VPS13B: variants seen among roughly 807,000 people sequenced by gnomAD.
VPS13B encodes the protein intermembrane lipid transfer protein VPS13B.
VPS13B carries 285 observed loss-of-function variants against 426.4 expected under a neutral mutation model. The observed-to-expected ratio is 0.67, with a 90% CI of 0.61 to 0.74. The LOEUF (loss-of-function observed/expected upper bound fraction) is 0.74. VPS13B is among the 30% of genes least tolerant of loss of function. VPS13B has a pLI of 0.00. For synonymous variants in VPS13B, 1,676 were observed against 1,676.4 expected (o/e 1.00, Z 0.01); for missense variants, 4,537 against 4,782.6 (o/e 0.95, Z 1.51).
intron 51 of VPS13B, among the ~76,000 whole-genome samples, chr8:99,825,485 G>T (rs1814629347): frequency 6.6e-6 from 1 of 152,144 alleles, no homozygotes; most frequent in Non-Finnish European, 1.5e-5. Context: ...CCCTTTGTCA[G>T]ATGGATAGAC....
chr8:99,430,707 C>CCA (rs1422680295), intron 21 of VPS13B, among the ~76,000 whole-genome samples: 1 of 151,248 alleles, frequency 6.6e-6, no homozygotes, highest in African/African-American at 2.4e-5. Context: ...AATCCACCCC[C>CCA]CCCCCAACTT....
intron 30 of VPS13B, among the ~76,000 whole-genome samples, chr8:99,523,374 C>T (rs979240981): frequency 1.3e-5 from 2 of 152,206 alleles, no homozygotes; most frequent in Admixed American, 6.5e-5. Flanking sequence ...TGAACACAGG[C>T]CATAGCCAGG....
At chr8:99,221,633 T>C (rs1169283278) in intron 17 of VPS13B, among the ~76,000 whole-genome samples, 1 of 152,220 alleles carries the variant, frequency 6.6e-6, no homozygotes, top group Non-Finnish European at 1.5e-5. Context: ...GGACACACCG[T>C]GTTCTCAGAG....
chr8:99,327,084 G>GT (rs1437055377), intron 19 of VPS13B, among the ~76,000 whole-genome samples: 3 of 152,114 alleles, frequency 2.0e-5, no homozygotes, highest in Non-Finnish European at 4.4e-5. Flanking sequence ...ACTTCGAAGA[G>GT]TTTTTTTCTT....
At chr8:99,812,831 A>G (rs1408452036) in intron 44 of VPS13B, among the ~76,000 whole-genome samples, 4 of 152,168 alleles carry the variant, frequency 2.6e-5, no homozygotes, top group Admixed American at 6.6e-5. Flanking sequence ...TTATTCTTCA[A>G]TATCACTATT....
At chr8:99,450,439 C>T (rs553141325) in intron 23 of VPS13B, among the ~76,000 whole-genome samples, 1 of 152,162 alleles carries the variant, frequency 6.6e-6, no homozygotes, top group East Asian at 1.9e-4. Context: ...TTTTCTGCCA[C>T]GTGTGGTGGC....
At chr8:99,264,469 C>T (rs1274194576) in intron 17 of VPS13B, among the ~76,000 whole-genome samples, 1 of 151,998 alleles carries the variant, frequency 6.6e-6, no homozygotes, top group Non-Finnish European at 1.5e-5. Flanking sequence ...TTTATTTTGT[C>T]TTTATATGTA....
At chr8:99,219,378 T>C (rs1815561692) in intron 17 of VPS13B, among the ~76,000 whole-genome samples, 2 of 152,210 alleles carry the variant, frequency 1.3e-5, no homozygotes, top group Non-Finnish European at 2.9e-5. Flanking sequence ...GGGAATTTCA[T>C]GTATCAAAGG....
At chr8:99,199,907 A>G (rs1814205376) in intron 17 of VPS13B, among the ~76,000 whole-genome samples, 1 of 151,870 alleles carries the variant, frequency 6.6e-6, no homozygotes. Flanking sequence ...TTTTTGTACC[A>G]CACTATTTAT....
At chr8:99,685,715 T>A (rs1045700297) in intron 35 of VPS13B, among the ~76,000 whole-genome samples, 2 of 152,250 alleles carry the variant, frequency 1.3e-5, no homozygotes, top group African/African-American at 4.8e-5. Context: ...AATCTCTTTG[T>A]TACATTTATC....
Position 99,137,426 on chromosome 8 carries a change from A to G in VPS13B, c.1651+674A>G, listed in dbSNP as rs560921850. On this transcript the variant is annotated intron_variant, in intron 12 of 61. Transcript: ENST00000357162. ...GTACAGATGAATGCAATGAAAACCA[A>G]AGCATTTCCCAAAGAGCCAATAGGT... Among the ~76,000 whole-genome samples the G allele has an allele frequency of 2.6e-5, 4 of 152,216 alleles. No homozygotes were observed. The South Asian group carries it at 8.3e-4, about 32-fold the overall frequency.
At chr8:99,149,557 A>G (rs1474618707) in intron 14 of VPS13B, among the ~76,000 whole-genome samples, 1 of 151,290 alleles carries the variant, frequency 6.6e-6, no homozygotes, top group Non-Finnish European at 1.5e-5. Context: ...ACCTCAGGTG[A>G]TCCACCTGCC....
chr8:99,737,048 G>A (rs933029995), intron 39 of VPS13B, among the ~76,000 whole-genome samples: 24 of 133,230 alleles, frequency 1.8e-4, no homozygotes, highest in African/African-American at 6.7e-4. Flanking sequence ...GTAGTTTAAT[G>A]AAAAATTCTG....
intron 8 of VPS13B, chr8:99,121,690 C>T: frequency 2.8e-6 from 3 of 1,068,564 alleles, no homozygotes; most frequent in Non-Finnish European, 3.7e-6. Flanking sequence ...TAGTTTTTTG[C>T]CCTATTGAAT....
chr8:99,748,270 A>C (rs1347266907), intron 39 of VPS13B, among the ~76,000 whole-genome samples: 1 of 152,086 alleles, frequency 6.6e-6, no homozygotes, highest in East Asian at 1.9e-4. Flanking sequence ...TGGTCAGTGC[A>C]GCCAGAAATT....
intron 30 of VPS13B, among the ~76,000 whole-genome samples, chr8:99,542,179 G>A (rs754365855): frequency 2.6e-5 from 4 of 152,150 alleles, no homozygotes; most frequent in South Asian, 2.1e-4. Flanking sequence ...GTGAGCCACC[G>A]TGCCTGGCCT....
intron 3 of VPS13B, among the ~76,000 whole-genome samples, chr8:99,081,863 G>A (rs1054478759): frequency 6.6e-6 from 1 of 151,864 alleles, no homozygotes; most frequent in Non-Finnish European, 1.5e-5. Context: ...GTCTATAATT[G>A]TTGGACATTT....
At chr8:99,789,722 T>C (rs1174080540) in intron 43 of VPS13B, among the ~76,000 whole-genome samples, 1 of 152,148 alleles carries the variant, frequency 6.6e-6, no homozygotes, top group Non-Finnish European at 1.5e-5. Context: ...AGATATTTTA[T>C]GGGATCTTTA....
At chr8:99,822,890 C>T (rs527689554) in intron 50 of VPS13B, among the ~76,000 whole-genome samples, 1 of 152,086 alleles carries the variant, frequency 6.6e-6, no homozygotes, top group Non-Finnish European at 1.5e-5. Context: ...ATCCACTGTA[C>T]GTTCATGAGA....
Sources: gnomAD v4.1 joint callset for allele counts (sites outside exome capture counted in the v4.1 genomes callset) on GRCh38, gnomAD v4.1.1 for gene constraint, MANE v1.5 for transcripts, NCBI Gene and HGNC (gene_info 2026-07-23, HGNC 2026-07-21) for gene names.